Variants in SH2D4B observed in about 807,000 individuals in gnomAD.
The protein encoded by SH2D4B is SH2 domain containing 4B.
A neutral mutation model predicts 61.5 loss-of-function variants in SH2D4B; 45 were observed. That is an observed-to-expected ratio of 0.73 (90% confidence interval 0.58 to 0.94). The LOEUF is 0.94. Ranked by LOEUF, SH2D4B falls within the 40% of genes least tolerant of loss-of-function variation. The pLI is 0.00. For missense variants in SH2D4B, 572 were observed against 574.2 expected (o/e 1.00, Z 0.04); for synonymous variants, 224 against 220.4 (o/e 1.02, Z -0.14).
Position 80,644,002 on chromosome 10 carries a change from A to T in SH2D4B, c.1219A>T (p.Ile407Phe), listed in dbSNP as rs538410168. Residue 407 changes from isoleucine (I) to phenylalanine (F), a missense_variant, in exon 8 of 8, where the codon ATC becomes TTC. Transcript: ENST00000646907. ...DLVDFHKEEI[I>F]TVSGGELLQE... ...TTTTTTTCTGTTTTAGGAGGAAATTATCACTGTTTCAGGAGGAGAGTTACT... is the reference window on the plus strand; with the variant it reads ...TTTTTTTCTGTTTTAGGAGGAAATTTTCACTGTTTCAGGAGGAGAGTTACT... 2 of 1,613,678 alleles carry T rather than the reference A, an allele frequency of 1.2e-6. No homozygotes were observed. Among genetic ancestry groups the T allele is most frequent in the Admixed American group, 3.3e-5 (2 of 59,988 alleles).
intron 4 of SH2D4B, among the ~76,000 whole-genome samples, chr10:80,589,103 A>G (rs960336119): frequency 4.0e-5 from 6 of 151,594 alleles, no homozygotes; most frequent in Admixed American, 2.0e-4. Context: ...TCCCAGGTTC[A>G]AGTGATTCTC....
intron 1 of SH2D4B, among the ~76,000 whole-genome samples, chr10:80,559,989 T>G (rs1362164176): frequency 6.8e-6 from 1 of 146,218 alleles, no homozygotes; most frequent in African/African-American, 2.5e-5. Context: ...ATACACCTTT[T>G]TTTTTTTTTT....
chr10:80,576,554 T>G (rs1842127420), intron 3 of SH2D4B, among the ~76,000 whole-genome samples: 1 of 152,130 alleles, frequency 6.6e-6, no homozygotes, highest in African/African-American at 2.4e-5. Context: ...TGCACTGCCC[T>G]TTTGCTGTGT....
intron 6 of SH2D4B, among the ~76,000 whole-genome samples, chr10:80,623,850 G>A (rs1336903860): frequency 1.3e-5 from 2 of 152,108 alleles, no homozygotes; most frequent in Admixed American, 6.5e-5. Flanking sequence ...GGGTGTATCC[G>A]CCTAATTTCA....
At chr10:80,593,080 CAT>C (rs1209189654) in intron 4 of SH2D4B, among the ~76,000 whole-genome samples, 2 of 152,190 alleles carry the variant, frequency 1.3e-5, no homozygotes, top group Non-Finnish European at 2.9e-5. Flanking sequence ...GCCAGTATGA[CAT>C]AGTCTCGATT....
chr10:80,589,622 C>T (rs1014954662), intron 4 of SH2D4B, among the ~76,000 whole-genome samples: 2 of 152,194 alleles, frequency 1.3e-5, no homozygotes, highest in African/African-American at 4.8e-5. Flanking sequence ...TCACGGTGCT[C>T]ATCCTGTAGA....
intron 3 of SH2D4B, among the ~76,000 whole-genome samples, chr10:80,578,529 G>T (rs564834876): frequency 6.6e-6 from 1 of 152,108 alleles, no homozygotes; most frequent in Non-Finnish European, 1.5e-5. Context: ...GCAAGCACAA[G>T]AGATGGAAAG....
At chr10:80,615,599 T>C (rs1842651411) in intron 6 of SH2D4B, among the ~76,000 whole-genome samples, 1 of 152,238 alleles carries the variant, frequency 6.6e-6, no homozygotes, top group Admixed American at 6.5e-5. Context: ...AATCTGGGGA[T>C]GCCCTGTTTG....
At chr10:80,550,548 C>T (rs1204854613) in intron 1 of SH2D4B, among the ~76,000 whole-genome samples, 1 of 151,900 alleles carries the variant, frequency 6.6e-6, no homozygotes, top group Non-Finnish European at 1.5e-5. Context: ...GAGCCCATAT[C>T]GCGCCACTGC....
intron 1 of SH2D4B, among the ~76,000 whole-genome samples, chr10:80,547,388 A>T (rs1393347319): frequency 6.6e-6 from 1 of 152,170 alleles, no homozygotes; most frequent in Non-Finnish European, 1.5e-5. Context: ...GTTTTTTGTT[A>T]GTTCCAACAG....
chr10:80,565,542 T>C (rs1489516832), intron 1 of SH2D4B, among the ~76,000 whole-genome samples: 2 of 152,148 alleles, frequency 1.3e-5, no homozygotes, highest in African/African-American at 4.8e-5. Context: ...ACTAGAGGCA[T>C]GCACCACCAC....
In SH2D4B at chr10:80,624,927, G is replaced by C. The variant is rs559968395; in HGVS notation, c.989-9358G>C. On this transcript the variant is annotated intron_variant, in intron 6 of 7. Transcript: ENST00000646907. ...ATATATGTATATACATATGTGAAGG[G>C]CATAAAGAAAGCTTAAGTGGGAGCA... Among the ~76,000 whole-genome samples the C allele has an allele frequency of 1.7e-3, 264 of 152,206 alleles. 3 individuals carry two copies. The highest frequency in any genetic ancestry group is 5.9e-3 in the African/African-American group (246 of 41,532).
chr10:80,601,674 C>T (rs1014630169), intron 4 of SH2D4B, among the ~76,000 whole-genome samples: 9 of 152,230 alleles, frequency 5.9e-5, no homozygotes, highest in African/African-American at 2.2e-4. Flanking sequence ...GAGGGACAGA[C>T]TTCATGCTGC....
At chr10:80,551,088 T>C (rs1295105731) in intron 1 of SH2D4B, among the ~76,000 whole-genome samples, 2 of 152,266 alleles carry the variant, frequency 1.3e-5, no homozygotes, top group Admixed American at 6.5e-5. Context: ...AGTCTCACTC[T>C]GTTGCCCAGG....
At chr10:80,620,870 A>G (rs1001158654) in intron 6 of SH2D4B, among the ~76,000 whole-genome samples, 17 of 152,370 alleles carry the variant, frequency 1.1e-4, no homozygotes, top group African/African-American at 4.1e-4. Context: ...TCAGTGATTT[A>G]TTCAACACTC....
At chr10:80,633,135 T>G (rs1589364780) in intron 6 of SH2D4B, among the ~76,000 whole-genome samples, 1 of 150,238 alleles carries the variant, frequency 6.7e-6, no homozygotes, top group South Asian at 2.1e-4. Flanking sequence ...CGCTCGGGAG[T>G]GGCTTCGGGG....
intron 6 of SH2D4B, among the ~76,000 whole-genome samples, chr10:80,619,466 GA>G (rs1842693832): frequency 6.6e-6 from 1 of 152,202 alleles, no homozygotes; most frequent in Non-Finnish European, 1.5e-5. Context: ...AGAAGCTCTG[GA>G]CACCTGCAGA....
At chr10:80,560,613 CT>C (rs1465125744) in intron 1 of SH2D4B, among the ~76,000 whole-genome samples, 3 of 149,792 alleles carry the variant, frequency 2.0e-5, no homozygotes, top group African/African-American at 7.4e-5. Flanking sequence ...TGGTCTTGAA[CT>C]CCTGGCTTTG....
At chr10:80,582,238 G>T (rs1842191840) in intron 3 of SH2D4B, among the ~76,000 whole-genome samples, 1 of 152,224 alleles carries the variant, frequency 6.6e-6, no homozygotes, top group African/African-American at 2.4e-5. Flanking sequence ...CAGGCAGAGT[G>T]AAGGGAGCAG....
Sources: allele counts gnomAD v4.1 joint callset (sites outside exome capture counted in the v4.1 genomes callset), GRCh38; gene constraint gnomAD v4.1.1; transcripts MANE v1.5; gene names NCBI Gene and HGNC (gene_info 2026-07-23, HGNC 2026-07-21).